The following RPS27 variants were observed in gnomAD, a reference collection of about 807,000 sequenced individuals.
The protein encoded by RPS27 is small ribosomal subunit protein eS27.
RPS27 carries 1 observed loss-of-function variant against 11.8 expected under a neutral mutation model. The observed-to-expected ratio is 0.08, with a 90% CI of 0.03 to 0.40. RPS27 has a LOEUF of 0.40. RPS27 is among the 10% of genes least tolerant of loss of function. The probability of loss-of-function intolerance (pLI) is 0.98; values close to 1 mark genes in which losing one functional copy is unlikely to be tolerated. For missense variants in RPS27, 44 were observed against 100.1 expected (o/e 0.44, Z 2.39); for synonymous variants, 42 against 33.8 (o/e 1.24, Z -0.84).
intron 1 of RPS27, 117 bp downstream of exon 1, chr1:153,990,919 T>G (rs915192090): frequency 2.1e-6 from 3 of 1,457,784 alleles, no homozygotes; most frequent in Non-Finnish European, 2.9e-6. Context: ...CTTAGGACAT[T>G]AACTCCAGGG....
At chr1:153,991,723 G>C (rs1649421045) in intron 3 of RPS27, 47 bp downstream of exon 3, 1 of 1,235,962 alleles carries the variant, frequency 8.1e-7, no homozygotes, top group African/African-American at 1.5e-5. Context: ...TTGATTTTTA[G>C]AAATGGAAAC....
chr1:153,991,249 G>A (rs1266177420), intron 2 of RPS27, 26 bp downstream of exon 2: 1 of 1,577,620 alleles, frequency 6.3e-7, no homozygotes, highest in South Asian at 1.1e-5. Context: ...GCTGTAGTGG[G>A]GAAAGCACTG....
rs375509510 is a variant in RPS27 at position 153,991,694 on chromosome 1, G to T, written c.226+18G>T. 4 of 1,472,044 alleles carry T rather than the reference G, an allele frequency of 2.7e-6. No homozygotes were observed. The highest frequency in any genetic ancestry group is 3.8e-6 in the Non-Finnish European group (4 of 1,058,422). 91.2% of individuals were successfully genotyped at this position (1,472,044 alleles called of 1,614,324 possible). A position where few individuals can be genotyped will look rare whatever the true frequency, so the allele number is the denominator to read the frequency against. On this transcript the variant is annotated intron_variant, in intron 3 of 3. Coordinates refer to ENST00000651669, the MANE Select transcript of RPS27 (RefSeq NM_001030.6). ...TACAGAAGGTAAATGGTTTACTAATGTGATTTGGGGCTTTGAGTTTGATTT... is the reference window on the plus strand; with the variant it reads ...TACAGAAGGTAAATGGTTTACTAATTTGATTTGGGGCTTTGAGTTTGATTT...
At chr1:153,991,373 T>C in intron 2 of RPS27, 150 bp downstream of exon 2, 1 of 1,507,376 alleles carries the variant, frequency 6.6e-7, no homozygotes, top group Non-Finnish European at 8.9e-7. Flanking sequence ...TCTTAAAATT[T>C]GAATGTATGA....
In RPS27 at chr1:153,991,231, G is replaced by A. The variant is rs1406430048; in HGVS notation, c.115+8G>A. The A allele has an allele frequency of 6.3e-7, 1 of 1,590,810 alleles. No individual in the cohort carries two copies. The highest frequency in any genetic ancestry group is 8.6e-7 in the Non-Finnish European group (1 of 1,165,350). ...TGGATGTGAAATGCCCAGGTGAGGA[G>A]ACGGCTTGCTGTAGTGGGGAAAGCA... On this transcript the variant is annotated splice_region_variant and intron_variant, in intron 2 of 3. Transcript: ENST00000651669.
chr1:153,991,921 A>AAC (rs2147867842), intron 3 of RPS27, 144 bp from the exon 4 acceptor site: 2 of 696,494 alleles, frequency 2.9e-6, no homozygotes, highest in East Asian at 5.5e-5. Context: ...GGAAGTAACC[A>AAC]GTGATACAAA....
In RPS27 at chr1:153,990,786, C is replaced by A. The variant is rs374881006; in HGVS notation, c.-11C>A. On this transcript the variant is annotated 5_prime_UTR_variant, in exon 1 of 4. Coordinates refer to ENST00000651669, the MANE Select transcript of RPS27 (RefSeq NM_001030.6). ...TCCTTTCCGGCGGTGACGACCTACG[C>A]ACACGAGAACATGCCTGTGAGTGCT... The A allele has an allele frequency of 1.2e-6, 2 of 1,614,110 alleles. No homozygotes were observed. The highest frequency in any genetic ancestry group is 2.2e-5 in the South Asian group (2 of 91,090).
At chr1:153,990,878 C>T (rs954942341) in intron 1 of RPS27, 76 bp downstream of exon 1, 1 of 1,586,752 alleles carries the variant, frequency 6.3e-7, no homozygotes, top group Non-Finnish European at 8.7e-7. Context: ...GATTTCGGAT[C>T]GTAGAGGGTC....
chr1:153,991,894 A>AC (rs1429207424), intron 3 of RPS27, among the ~76,000 whole-genome samples, 171 bp from the exon 4 acceptor site: 40 of 148,364 alleles, frequency 2.7e-4, no homozygotes, highest in African/African-American at 9.0e-4. Flanking sequence ...TGGGTGATAA[A>AC]AGGGCTTAAG....
At position 153,990,842 on chromosome 1, in the gene RPS27, T is replaced by G. The variant is rs1174236551; in HGVS notation, c.6+40T>G. ...CCAGGTTTCGGCGGAGATCTCGCTG[T>G]TCTGTCCGAACTCTCCCCTCACGCT... is the stretch of plus-strand genomic sequence containing the variant. On this transcript the variant is annotated intron_variant, in intron 1 of 3. Coordinates refer to ENST00000651669, the MANE Select transcript of RPS27 (RefSeq NM_001030.6). The G allele has an allele frequency of 4.3e-6, 7 of 1,613,818 alleles. No homozygotes were observed. In the South Asian group the frequency reaches 7.7e-5, roughly 18 times the overall value.
intron 1 of RPS27, 70 bp downstream of exon 1, chr1:153,990,872 T>G: frequency 6.2e-7 from 1 of 1,605,666 alleles, no homozygotes; most frequent in Non-Finnish European, 8.5e-7. Flanking sequence ...CACGCTGATT[T>G]CGGATCGTAG....
chr1:153,991,239 G>C lies in RPS27; in HGVS notation c.115+16G>C. 6.3e-7 allele frequency: 1 copy of C among 1,585,904 alleles called. No homozygotes were observed. The highest frequency in any genetic ancestry group is 8.6e-7 in the Non-Finnish European group (1 of 1,162,620). ...AAATGCCCAGGTGAGGAGACGGCTT[G>C]CTGTAGTGGGGAAAGCACTGGACCT... is the stretch of plus-strand genomic sequence containing the variant. On this transcript the variant is annotated intron_variant, in intron 2 of 3. Coordinates refer to ENST00000651669, the MANE Select transcript of RPS27 (RefSeq NM_001030.6).
chr1:153,991,054 AT>A, intron 1 of RPS27, 60 bp from the exon 2 acceptor site: 1 of 1,365,128 alleles, frequency 7.3e-7, no homozygotes, highest in Non-Finnish European at 1.0e-6. Context: ...AGTGGGGGCT[AT>A]TTTCGACCAT....
At position 153,991,106 on chromosome 1, in the gene RPS27, C is replaced by A. The variant is rs758774553; in HGVS notation, c.7-9C>A. 1.3e-6 allele frequency: 2 copies of A among 1,556,946 alleles called. No homozygotes were observed. Among genetic ancestry groups the A allele is most frequent in the South Asian group, 2.3e-5 (2 of 86,626 alleles). ...GGTTTCTAAATCTCTGCATTTCTGT[C>A]CCTCTTAGCTCGCAAAGGATCTCCT... On this transcript the variant is annotated splice_polypyrimidine_tract_variant and intron_variant, in intron 1 of 3. Transcript: ENST00000651669.
intron 1 of RPS27, 133 bp downstream of exon 1, chr1:153,990,935 A>G: frequency 7.2e-7 from 1 of 1,389,290 alleles, no homozygotes; most frequent in African/African-American, 1.4e-5. Context: ...CAGGGACCGC[A>G]GCGGCCCACG....
chr1:153,991,192 C>A lies in RPS27; in HGVS notation c.84C>A (p.Pro28=), dbSNP rs572004867. ...KHKKKRLVQS[P]NSYFMDVKCP... ...AGAAGAAACGCCTGGTGCAGAGCCC[C>A]AATTCCTACTTCATGGATGTGAAAT... The change falls in exon 2 of 4, where the codon CCC becomes CCA. Residue 28 remains proline (P), a synonymous_variant. Transcript: ENST00000651669. 2 of 1,599,198 alleles carry A rather than the reference C, an allele frequency of 1.3e-6. No individual in the cohort carries two copies. Among genetic ancestry groups the A allele is most frequent in the South Asian group, 2.2e-5 (2 of 89,442 alleles).
Position 153,991,129 on chromosome 1 carries a change from C to T in RPS27, c.21C>T (p.Leu7=), listed in dbSNP as rs1168915023. ...GTCCCTCTTAGCTCGCAAAGGATCT[C>T]CTTCATCCCTCTCCAGAAGAGGAGA... is the stretch of plus-strand genomic sequence containing the variant. MPLAKD[L]LHPSPEEEKR... Residue 7 remains leucine (L), a synonymous_variant, in exon 2 of 4, where the codon CTC becomes CTT. Transcript: ENST00000651669. The T allele has an allele frequency of 1.3e-6, 2 of 1,589,804 alleles. No individual in the cohort carries two copies. The highest frequency in any genetic ancestry group is 2.2e-5 in the East Asian group (1 of 44,560).
At chr1:153,991,329 T>A (rs1482026389) in intron 2 of RPS27, 106 bp downstream of exon 2, 1 of 1,521,938 alleles carries the variant, frequency 6.6e-7, no homozygotes, top group Non-Finnish European at 8.8e-7. Context: ...GCAGCTTCAG[T>A]TTCTTCGCCT....
intron 2 of RPS27, 150 bp downstream of exon 2, chr1:153,991,373 T>A: frequency 2.0e-6 from 3 of 1,507,376 alleles, no homozygotes; most frequent in Non-Finnish European, 2.7e-6. Context: ...TCTTAAAATT[T>A]GAATGTATGA....
Sources: gnomAD v4.1 joint callset for allele counts (sites outside exome capture counted in the v4.1 genomes callset) on GRCh38, gnomAD v4.1.1 for gene constraint, MANE v1.5 for transcripts, NCBI Gene and HGNC (gene_info 2026-07-23, HGNC 2026-07-21) for gene names.